The following RAB10 variants were observed in gnomAD, a reference collection of about 807,000 sequenced individuals.
RAB10 encodes the protein ras-related protein Rab-10.
A neutral mutation model predicts 25.7 loss-of-function variants in RAB10; 5 were observed. The observed-to-expected ratio is 0.19, with a 90% confidence interval of 0.10 to 0.41. The LOEUF (loss-of-function observed/expected upper bound fraction) is 0.41, where lower values mean the gene tolerates loss of function less well. Ranked by LOEUF, RAB10 falls within the 10% of genes least tolerant of loss-of-function variation. The pLI is 1.00. For synonymous variants in RAB10, 89 were observed against 86.4 expected, an observed-to-expected ratio of 1.03 and a Z score of -0.16; for missense variants, 103 against 245.8, an observed-to-expected ratio of 0.42 and a Z score of 3.89.
intron 1 of RAB10, among the ~76,000 whole-genome samples, chr2:26,086,224 T>A (rs1452810725): frequency 6.6e-6 from 1 of 152,010 alleles, no homozygotes; most frequent in Non-Finnish European, 1.5e-5. Flanking sequence ...AGGCTGAGGC[T>A]GCGGTGAGCT....
At chr2:26,120,619 T>G (rs184946126) in intron 3 of RAB10, among the ~76,000 whole-genome samples, 334 of 152,020 alleles carry the variant, frequency 2.2e-3, no homozygotes, top group African/African-American at 7.7e-3. Context: ...AGACGGAGTC[T>G]CGCTCTGTTG....
rs778191712 is a variant in RAB10 at position 26,064,215 on chromosome 2, C to A, written c.127+29480C>A. On this transcript the variant is annotated intron_variant, in intron 1 of 5. Coordinates refer to ENST00000264710, the MANE Select transcript of RAB10 (RefSeq NM_016131.5). ...TGTAATTAATAAATAATAATGAGGT[C>A]CAAATCCTGTGATAAAGCCAAGGAT... is the stretch of plus-strand genomic sequence containing the variant. Among the ~76,000 whole-genome samples the A allele has an allele frequency of 5.9e-5, 9 of 152,232 alleles. No individual in the cohort carries two copies. The East Asian group carries it at 7.7e-4, about 13-fold the overall frequency.
intron 1 of RAB10, among the ~76,000 whole-genome samples, chr2:26,037,092 C>T (rs1412487732): frequency 6.6e-6 from 1 of 151,952 alleles, no homozygotes; most frequent in African/African-American, 2.4e-5. Flanking sequence ...TCAACTTTAA[C>T]CTATCCTTAG....
rs180938195 is a variant in RAB10 at position 26,062,846 on chromosome 2, G to T, written c.127+28111G>T. On this transcript the variant is annotated intron_variant, in intron 1 of 5. Transcript: ENST00000264710. ...CTAAGTTATCTTGGCCAGGTGTGGTGGCTCATGCCTGTAATTCCAGCACTT... is the reference window on the plus strand; with the variant it reads ...CTAAGTTATCTTGGCCAGGTGTGGTTGCTCATGCCTGTAATTCCAGCACTT... Among the ~76,000 whole-genome samples, 1,251 of 152,232 alleles carry T rather than the reference G, an allele frequency of 8.2e-3. 7 individuals are homozygous for T. Among genetic ancestry groups the T allele is most frequent in the Non-Finnish European group, 0.013 (870 of 68,010 alleles).
At chr2:26,033,812 C>G (rs1013790646), upstream of RAB10, among the ~76,000 whole-genome samples, 22 of 151,736 alleles carry the variant, frequency 1.4e-4, no homozygotes, top group Non-Finnish European at 3.1e-4. Flanking sequence ...GGAGGGGGGG[C>G]GCTGCGCCTG....
intron 1 of RAB10, among the ~76,000 whole-genome samples, chr2:26,084,558 C>G (rs915908364): frequency 6.6e-6 from 1 of 152,092 alleles, no homozygotes; most frequent in East Asian, 1.9e-4. Context: ...ACATGGTATA[C>G]CAAGTACATT....
rs933819952 is a variant in RAB10, at chr2:26,034,717, A to G, written c.109A>G (p.Thr37Ala). 6 of 1,613,590 alleles carry G rather than the reference A, an allele frequency of 3.7e-6. No individual in the cohort carries two copies. Among genetic ancestry groups the G allele is most frequent in the African/African-American group, 1.3e-5 (1 of 74,752 alleles). The change falls in exon 1 of 6, where the codon ACC (threonine) becomes GCC (alanine). Residue 37 changes from threonine (T) to alanine (A), a missense_variant. Thr to Ala is a moderately conservative substitution (Grantham distance 58). Around this residue, in one of 2 missense-constraint regions of RAB10, gnomAD observed 79 missense variants for 217.8 expected, o/e 0.36. Coordinates refer to ENST00000264710, the MANE Select transcript of RAB10 (RefSeq NM_016131.5). ...FRFSDDAFNT[T>A]FISTIGIDFK... ...TTTTTCGGATGATGCCTTCAATACT[A>G]CCTTTATTTCCACCATAGGTAAGAC...
At chr2:26,079,119 G>A (rs949316389) in intron 1 of RAB10, among the ~76,000 whole-genome samples, 1 of 152,116 alleles carries the variant, frequency 6.6e-6, no homozygotes, top group African/African-American at 2.4e-5. Context: ...CCTAGGAGGC[G>A]GAGGTTGTGG....
At chr2:26,124,143 T>C (rs1211116244) in intron 3 of RAB10, among the ~76,000 whole-genome samples, 2 of 152,168 alleles carry the variant, frequency 1.3e-5, no homozygotes, top group African/African-American at 4.8e-5. Flanking sequence ...ATATAAAATA[T>C]GTTAATCGAC....
intron 1 of RAB10, among the ~76,000 whole-genome samples, chr2:26,050,608 T>C (rs1325174647): frequency 6.6e-6 from 1 of 152,074 alleles, no homozygotes; most frequent in Non-Finnish European, 1.5e-5. Flanking sequence ...CTGTCATATT[T>C]TTAATTTCTG....
chr2:26,089,624 C>T (rs1203447387), intron 1 of RAB10, among the ~76,000 whole-genome samples: 1 of 152,082 alleles, frequency 6.6e-6, no homozygotes, highest in Non-Finnish European at 1.5e-5. Context: ...CTGTATGCAC[C>T]TGTGCCTTAC....
chr2:26,042,786 TA>T (rs543553837), intron 1 of RAB10: 66 of 142,242 alleles, frequency 4.6e-4, no homozygotes, highest in African/African-American at 6.7e-4. Flanking sequence ...AATTACTATT[TA>T]AAAAAAAAAA....
rs1668102650 is a variant in RAB10, at chr2:26,135,908, G to A, written c.*887G>A. The A allele has an allele frequency of 6.6e-6, 1 of 152,564 alleles. No individual in the cohort carries two copies. Among genetic ancestry groups the A allele is most frequent in the Non-Finnish European group, 1.5e-5 (1 of 68,050 alleles). 9.5% of individuals were successfully genotyped at this position (152,564 alleles called of 1,614,324 possible). On this transcript the variant is annotated 3_prime_UTR_variant, in exon 6 of 6. Transcript: ENST00000264710. Reference sequence around the variant, plus strand: ...ATAAAGCACTGATGTAACTTGCTAGGTAAACGGAAAGATAAGTTCTAACTG... The same window carrying A: ...ATAAAGCACTGATGTAACTTGCTAGATAAACGGAAAGATAAGTTCTAACTG...
rs139846184 is a variant in RAB10 at position 26,094,137 on chromosome 2, C to T, written c.128-4525C>T. 4.3e-3 allele frequency among the ~76,000 whole-genome samples: 662 copies of T among 152,266 alleles called. 3 individuals carry two copies. The highest frequency in any genetic ancestry group is 0.015 in the African/African-American group (640 of 41,552). ...CTCCTGGACTCAAGCAGTCCTCTTACCTTGGCCTGCCAAAGTGCTAGGATT... is the reference window on the plus strand; with the variant it reads ...CTCCTGGACTCAAGCAGTCCTCTTATCTTGGCCTGCCAAAGTGCTAGGATT... On this transcript the variant is annotated intron_variant, in intron 1 of 5. Coordinates refer to ENST00000264710, the MANE Select transcript of RAB10 (RefSeq NM_016131.5).
intron 1 of RAB10, chr2:26,042,802 C>G (rs139657268): frequency 1.3e-4 from 19 of 151,934 alleles, no homozygotes; most frequent in African/African-American, 4.4e-4. Context: ...AAAAAAACCT[C>G]TGTAGGTATT....
chr2:26,121,746 G>T (rs1404353356), intron 3 of RAB10, among the ~76,000 whole-genome samples: 1 of 152,144 alleles, frequency 6.6e-6, no homozygotes, highest in Non-Finnish European at 1.5e-5. Context: ...GGCACCTTTT[G>T]CATCAAGAGA....
chr2:26,060,783 G>A (rs1666376978), intron 1 of RAB10, among the ~76,000 whole-genome samples: 2 of 152,064 alleles, frequency 1.3e-5, no homozygotes, highest in Admixed American at 1.3e-4. Flanking sequence ...CAGAGAAGCT[G>A]GAAATAGATA....
intron 2 of RAB10, among the ~76,000 whole-genome samples, chr2:26,107,522 A>T (rs1667489783): frequency 6.6e-6 from 1 of 151,580 alleles, no homozygotes; most frequent in African/African-American, 2.4e-5. Flanking sequence ...CAGGCCAGCC[A>T]CGGTGGCTCA....
intron 3 of RAB10, among the ~76,000 whole-genome samples, chr2:26,122,208 A>G: frequency 6.6e-6 from 1 of 152,240 alleles, no homozygotes; most frequent in East Asian, 1.9e-4. Flanking sequence ...TTTAAATAAA[A>G]GAAAATTTGT....
Sources: gnomAD v4.1 joint callset for allele counts (sites outside exome capture counted in the v4.1 genomes callset) on GRCh38, gnomAD v4.1.1 for gene constraint, gnomAD v4.1.1 regional missense constraint, MANE v1.5 for transcripts, NCBI Gene and HGNC (gene_info 2026-07-23, HGNC 2026-07-21) for gene names.